Variants in CCDC169 observed in about 807,000 individuals in gnomAD.
CCDC169 encodes the protein coiled-coil domain containing 169, also known as coiled-coil domain-containing protein 169.
A neutral mutation model predicts 36.0 loss-of-function variants in CCDC169; 30 were observed. The observed-to-expected ratio is 0.83, with a 90% confidence interval of 0.62 to 1.13. The LOEUF (loss-of-function observed/expected upper bound fraction) is 1.13. Among genes scored for constraint, CCDC169 ranks in the 50% most tolerant of loss-of-function variants. The pLI is 0.00. For synonymous variants in CCDC169, 85 were observed against 81.5 expected (o/e 1.04, Z -0.23); for missense variants, 245 against 245.9 (o/e 1.00, Z 0.03).
downstream of CCDC169, among the ~76,000 whole-genome samples, chr13:36,228,907 T>G (rs1253345625): frequency 6.6e-6 from 1 of 152,218 alleles, no homozygotes; most frequent in Non-Finnish European, 1.5e-5. Flanking sequence ...TAAAACTTTT[T>G]CTCTACTTGT....
rs1234590677 is a variant in CCDC169, at chr13:36,295,830, T to G, written c.111A>C (p.Glu37Asp). The stretch of plus-strand genomic sequence containing the variant: ...CCAGTTCCGTAATCTTGTGTCTTAG[T>G]TCAAATATTGAGAGTTGCACTGCAT... The part of the protein sequence containing the change: ...KKDAVQLSIF[E>D]LRHKITELEA... The change falls in exon 2 of 8, where the codon GAA becomes GAC. Residue 37 changes from glutamate to aspartate, a missense_variant. Glu to Asp is a conservative substitution (Grantham distance 45, BLOSUM62 2). Transcript: ENST00000239859. 1.3e-6 allele frequency: 2 copies of G among 1,544,046 alleles called. No individual in the cohort carries two copies. Among genetic ancestry groups the G allele is most frequent in the Non-Finnish European group, 1.8e-6 (2 of 1,141,306 alleles).
At chr13:36,291,882 A>G (rs1375379004) in intron 2 of CCDC169, among the ~76,000 whole-genome samples, 4 of 152,280 alleles carry the variant, frequency 2.6e-5, no homozygotes, top group Non-Finnish European at 5.9e-5. Context: ...ATTTATTAAT[A>G]TATTACCTAC....
chr13:36,283,810 T>C (rs935165902), intron 2 of CCDC169, 108 bp from the exon 3 acceptor site: 3 of 820,214 alleles, frequency 3.7e-6, no homozygotes, highest in Non-Finnish European at 5.7e-6. Flanking sequence ...TTTGACTTTA[T>C]TGGCAATACA....
At chr13:36,288,214 T>C (rs1054553181) in intron 2 of CCDC169, among the ~76,000 whole-genome samples, 14 of 152,176 alleles carry the variant, frequency 9.2e-5, no homozygotes, top group Non-Finnish European at 1.9e-4. Context: ...GGTTTCACCA[T>C]GTTAGCCACC....
intron 6 of CCDC169, among the ~76,000 whole-genome samples, chr13:36,249,119 G>A (rs1418345397): frequency 6.6e-6 from 1 of 152,140 alleles, no homozygotes; most frequent in Admixed American, 6.5e-5. Flanking sequence ...ATATAAAAGT[G>A]GAAATTTCTA....
chr13:36,272,167 T>G (rs1313049750), intron 4 of CCDC169, among the ~76,000 whole-genome samples: 1 of 149,784 alleles, frequency 6.7e-6, no homozygotes, highest in Non-Finnish European at 1.5e-5. Flanking sequence ...ACTACTTGGG[T>G]GATGGGTGCA....
intron 2 of CCDC169, among the ~76,000 whole-genome samples, chr13:36,295,016 T>C (rs964276552): frequency 4.6e-5 from 7 of 152,184 alleles, no homozygotes; most frequent in Non-Finnish European, 1.0e-4. Context: ...TAAGACAATA[T>C]GAGGGGTGGT....
At chr13:36,276,917 T>C (rs1352654522) in intron 4 of CCDC169, among the ~76,000 whole-genome samples, 1 of 152,116 alleles carries the variant, frequency 6.6e-6, no homozygotes, top group African/African-American at 2.4e-5. Context: ...AAAATACAAA[T>C]GTCCAGGCCT....
chr13:36,297,789 C>CTTCTGGG lies in CCDC169; in HGVS notation c.-71_-70insCCCAGAA. The CTTCTGGG allele has an allele frequency of 7.0e-7, 1 of 1,423,862 alleles. No individual in the cohort carries two copies. The highest frequency in any genetic ancestry group is 9.6e-7 in the Non-Finnish European group (1 of 1,037,948). The allele number at this position is 1,423,862 out of a possible 1,614,324, so 88.2% of individuals were successfully genotyped here. On this transcript the variant is annotated 5_prime_UTR_variant, in exon 1 of 8. Transcript: ENST00000239859. ...AGAGCACAAGACATTAAGGGCCACC[C>CTTCTGGG]AGAAGCCAGTACGGCACGAGGCGGT...
At chr13:36,285,584 AAGATAGATAGAT>A (rs367836854) in intron 2 of CCDC169, among the ~76,000 whole-genome samples, 3 of 138,150 alleles carry the variant, frequency 2.2e-5, no homozygotes, top group Admixed American at 2.2e-4. Flanking sequence ...AAAATAAAAT[AAGATAGATAGAT>A]AGATAGATAG....
At chr13:36,262,456 C>G (rs1274307847) in intron 4 of CCDC169, among the ~76,000 whole-genome samples, 1 of 152,168 alleles carries the variant, frequency 6.6e-6, no homozygotes, top group Non-Finnish European at 1.5e-5. Flanking sequence ...TTGGACTCCT[C>G]TAACATGTGC....
At chr13:36,248,915 C>T (rs1872808772) in intron 6 of CCDC169, among the ~76,000 whole-genome samples, 1 of 149,908 alleles carries the variant, frequency 6.7e-6, no homozygotes, top group Admixed American at 6.6e-5. Flanking sequence ...AAAAAAAATA[C>T]AGAGGAAACT....
chr13:36,297,804 C>T lies in CCDC169; in HGVS notation c.-85G>A. 1 of 1,328,158 alleles carries T rather than the reference C, an allele frequency of 7.5e-7. No individual in the cohort carries two copies. The highest frequency in any genetic ancestry group is 1.0e-6 in the Non-Finnish European group (1 of 954,666). 82.3% of individuals were successfully genotyped at this position (1,328,158 alleles called of 1,614,324 possible). On this transcript the variant is annotated 5_prime_UTR_variant, in exon 1 of 8. Coordinates refer to ENST00000239859, the MANE Select transcript of CCDC169 (RefSeq NM_001144981.3). The stretch of plus-strand genomic sequence containing the variant: ...AAGGGCCACCCAGAAGCCAGTACGG[C>T]ACGAGGCGGTGAACCCCAACCGCCC...
intron 4 of CCDC169, among the ~76,000 whole-genome samples, chr13:36,266,201 T>A (rs912250300): frequency 3.3e-5 from 5 of 152,140 alleles, no homozygotes; most frequent in Non-Finnish European, 7.4e-5. Flanking sequence ...TTCTTGCTTT[T>A]CTTTCTTTAA....
In CCDC169 at chr13:36,254,037, AAAC is replaced by A. The variant is rs1873509955; in HGVS notation, c.414+5_414+7del. On this transcript the variant is annotated splice_donor_5th_base_variant and intron_variant, in intron 5 of 7. Transcript: ENST00000239859. ...AAAGGAATTGCTAAGTATAGAGTAA[AAAC>A]AAACCTTTGATTCTTGTTCCAGTTT... 6.5e-7 allele frequency: 1 copy of A among 1,543,634 alleles called. No homozygotes were observed. Among genetic ancestry groups the A allele is most frequent in the African/African-American group, 1.4e-5 (1 of 72,650 alleles).
At chr13:36,281,195 A>G in intron 4 of CCDC169, 1 of 409,734 alleles carries the variant, frequency 2.4e-6, no homozygotes, top group South Asian at 1.8e-5. Context: ...AACTTAGGGG[A>G]AGCCTGGATT....
At chr13:36,248,743 G>A in intron 6 of CCDC169, 61 bp from the exon 7 acceptor site, 2 of 1,447,224 alleles carry the variant, frequency 1.4e-6, no homozygotes, top group South Asian at 1.2e-5. Context: ...AGAAATAAGA[G>A]AGACAGTCAA....
chr13:36,269,111 A>AC (rs1875715822), intron 4 of CCDC169, among the ~76,000 whole-genome samples: 1 of 152,156 alleles, frequency 6.6e-6, no homozygotes, highest in East Asian at 1.9e-4. Flanking sequence ...CTCAAATAAA[A>AC]AAAAAAAAAT....
At chr13:36,280,808 T>A (rs141039900) in intron 4 of CCDC169, 5 of 152,340 alleles carry the variant, frequency 3.3e-5, no homozygotes, top group African/African-American at 1.2e-4. Flanking sequence ...TATGAATGAA[T>A]TGAATGAATA....
Sources: gnomAD v4.1 joint callset for allele counts (sites outside exome capture counted in the v4.1 genomes callset) on GRCh38, gnomAD v4.1.1 for gene constraint, MANE v1.5 for transcripts, NCBI Gene and HGNC (gene_info 2026-07-23, HGNC 2026-07-21) for gene names.